The following CSMD2 variants were observed in gnomAD, a reference collection of about 807,000 sequenced individuals.
CSMD2 encodes the protein CUB and sushi domain-containing protein 2.
CSMD2 carries 130 observed loss-of-function variants against 398.5 expected under a neutral mutation model. That is an observed-to-expected ratio of 0.33 (90% confidence interval 0.28 to 0.38). The LOEUF is 0.38. Among genes scored for constraint, CSMD2 ranks in the 10% least tolerant of loss-of-function variants. The pLI, the probability that CSMD2 is intolerant of heterozygous loss-of-function variation, is 1.00. For missense variants in CSMD2, 3,829 were observed against 4,764.9 expected (o/e 0.80, Z 5.78); for synonymous variants, 1,828 against 1,908.5 (o/e 0.96, Z 1.10).
chr1:33,621,261 G>A (rs1361404579), intron 37 of CSMD2, among the ~76,000 whole-genome samples: 1 of 152,088 alleles, frequency 6.6e-6, no homozygotes, highest in Non-Finnish European at 1.5e-5. Context: ...TTTGTACTGC[G>A]GGGACCTAAC....
At chr1:33,673,871 G>A (rs981110478) in intron 25 of CSMD2, among the ~76,000 whole-genome samples, 3 of 152,188 alleles carry the variant, frequency 2.0e-5, no homozygotes, top group African/African-American at 7.2e-5. Flanking sequence ...AGCTTCATAA[G>A]TGAAGGAGAA....
Position 33,683,773 on chromosome 1 carries a change from T to C in CSMD2, c.4052+9157A>G, listed in dbSNP as rs529133507. Reference sequence around the variant, plus strand: ...TCCACATCCTCTCCTTCAAAAAATGTGTACATTCCTTTTGGCTATTCTCCA... The same window carrying C: ...TCCACATCCTCTCCTTCAAAAAATGCGTACATTCCTTTTGGCTATTCTCCA... On this transcript the variant is annotated intron_variant, in intron 25 of 70. Transcript: ENST00000373381. 3.9e-5 allele frequency among the ~76,000 whole-genome samples: 6 copies of C among 152,366 alleles called. No individual in the cohort carries two copies. In the South Asian group the frequency reaches 1.0e-3, roughly 26 times the overall value.
At chr1:34,082,388 G>A (rs564435067) in intron 2 of CSMD2, among the ~76,000 whole-genome samples, 27 of 151,108 alleles carry the variant, frequency 1.8e-4, no homozygotes, top group African/African-American at 6.1e-4. Flanking sequence ...GGGCGACCCC[G>A]CCCAGCAGCC....
intron 1 of CSMD2, among the ~76,000 whole-genome samples, chr1:34,149,638 T>C (rs1401356713): frequency 6.6e-6 from 1 of 152,168 alleles, no homozygotes; most frequent in African/African-American, 2.4e-5. Context: ...ACAGCCCTTT[T>C]GTGAAGTGTA....
At chr1:34,135,616 CAAAAAAAAAAA>C (rs55936483) in intron 1 of CSMD2, among the ~76,000 whole-genome samples, 3 of 82,618 alleles carry the variant, frequency 3.6e-5, no homozygotes, top group African/African-American at 1.5e-4. Flanking sequence ...GACTCCATCT[CAAAAAAAAAAA>C]AAAAAAAAAA....
At position 33,607,501 on chromosome 1, in the gene CSMD2, C is replaced by T. The variant is rs572797741; in HGVS notation, c.6344-2031G>A. ...AGAGCTTGCTTACGAGGTGCCGCTC[C>T]GTACGGCGGAGGAAGGTGTAAACAG... On this transcript the variant is annotated intron_variant, in intron 41 of 70. Transcript: ENST00000373381. Among the ~76,000 whole-genome samples the T allele has an allele frequency of 5.2e-4, 79 of 152,298 alleles. No individual in the cohort carries two copies. In the South Asian group the frequency reaches 0.011, roughly 22 times the overall value.
intron 67 of CSMD2, among the ~76,000 whole-genome samples, chr1:33,522,616 G>A (rs1654415551): frequency 6.6e-6 from 1 of 152,182 alleles, no homozygotes; most frequent in Non-Finnish European, 1.5e-5. Context: ...CCATGAGAAT[G>A]CACTGTGACT....
intron 5 of CSMD2, among the ~76,000 whole-genome samples, chr1:33,847,550 A>G (rs971483537): frequency 6.6e-6 from 1 of 152,076 alleles, no homozygotes; most frequent in Non-Finnish European, 1.5e-5. Context: ...GGAATAAGTA[A>G]GAAATCTTAC....
At chr1:33,707,679 GCA>G (rs1255038795) in intron 22 of CSMD2, among the ~76,000 whole-genome samples, 9 of 102,774 alleles carry the variant, frequency 8.8e-5, no homozygotes, top group Admixed American at 3.4e-4. Context: ...ACGCACGCGT[GCA>G]CACGCGCGCG....
intron 11 of CSMD2, 55 bp downstream of exon 11, chr1:33,792,368 C>G: frequency 7.5e-7 from 1 of 1,330,716 alleles, no homozygotes; most frequent in Non-Finnish European, 1.1e-6. Flanking sequence ...AAACCCCACC[C>G]CACCAACCCC....
intron 5 of CSMD2, among the ~76,000 whole-genome samples, chr1:33,875,168 G>A (rs975832439): frequency 1.2e-4 from 19 of 152,272 alleles, no homozygotes; most frequent in African/African-American, 4.3e-4. Flanking sequence ...AGCCTCCAAT[G>A]TCATGGGCAA....
chr1:34,026,772 A>G (rs1268750183), intron 3 of CSMD2, among the ~76,000 whole-genome samples: 2 of 152,180 alleles, frequency 1.3e-5, no homozygotes, highest in Non-Finnish European at 2.9e-5. Context: ...GTGAGAAAAA[A>G]ATGACCAAAT....
At chr1:33,933,460 C>G (rs1358662712) in intron 4 of CSMD2, among the ~76,000 whole-genome samples, 1 of 152,186 alleles carries the variant, frequency 6.6e-6, no homozygotes. Flanking sequence ...AACAAAATAG[C>G]ATGGCATTTA....
At chr1:34,101,751 A>G (rs1659965401) in intron 1 of CSMD2, among the ~76,000 whole-genome samples, 1 of 151,528 alleles carries the variant, frequency 6.6e-6, no homozygotes, top group Non-Finnish European at 1.5e-5. Context: ...CTACTTATCT[A>G]TTTTATATAT....
chr1:33,616,173 G>T (rs1279451347), intron 39 of CSMD2, among the ~76,000 whole-genome samples: 1 of 152,178 alleles, frequency 6.6e-6, no homozygotes, highest in East Asian at 1.9e-4. Flanking sequence ...CGTAGCACAG[G>T]GTAAGGGACG....
intron 15 of CSMD2, among the ~76,000 whole-genome samples, chr1:33,732,691 C>T (rs1646759807): frequency 6.6e-6 from 1 of 152,202 alleles, no homozygotes; most frequent in Non-Finnish European, 1.5e-5. Context: ...GACTGATACA[C>T]TGAGCTTCTG....
intron 2 of CSMD2, among the ~76,000 whole-genome samples, chr1:34,061,837 A>G (rs1308583482): frequency 6.6e-6 from 1 of 152,184 alleles, no homozygotes; most frequent in Non-Finnish European, 1.5e-5. Context: ...GCTGGATCCT[A>G]CAAAACCTCC....
At position 33,726,572 on chromosome 1, in the gene CSMD2, A is replaced by G; in HGVS notation, c.2482T>C (p.Tyr828His). ...CTGTCGAAGGTGATTTTGATGGGGT[A>G]GCCTGGCTGGGCCTCAATCACCCAG... Reference protein sequence around the residue: ...CAWVIEAQPGYPIKITFDRFK... With the variant: ...CAWVIEAQPGHPIKITFDRFK... The change falls in exon 16 of 71, where the codon TAC (tyrosine) becomes CAC (histidine). Residue 828 changes from tyrosine to histidine, a missense_variant. This residue lies in a region of CSMD2 where 2,001 missense variants were observed against 2,567.1 expected (regional missense o/e 0.78). Transcript: ENST00000373381. 6.2e-7 allele frequency: 1 copy of G among 1,612,322 alleles called. No homozygotes were observed.
Position 33,801,147 on chromosome 1 carries a change from G to A in CSMD2, c.1447-8621C>T, listed in dbSNP as rs562632908. Among the ~76,000 whole-genome samples, 40 of 152,150 alleles carry A rather than the reference G, an allele frequency of 2.6e-4. No homozygotes were observed. In the South Asian group the frequency reaches 7.5e-3, roughly 28 times the overall value. On this transcript the variant is annotated intron_variant, in intron 10 of 70. Coordinates refer to ENST00000373381, the MANE Select transcript of CSMD2 (RefSeq NM_001281956.2). ...ATCTTTGCTTTGAAGTTCATATAAC[G>A]AGCTTTCCTTTCCCTCTTCCTTCCA...
Sources: allele counts gnomAD v4.1 joint callset (sites outside exome capture counted in the v4.1 genomes callset), GRCh38; gene constraint gnomAD v4.1.1; regional missense constraint gnomAD v4.1.1; transcripts MANE v1.5; gene names NCBI Gene and HGNC (gene_info 2026-07-23, HGNC 2026-07-21).